Variants in DLG2 observed in about 807,000 individuals in gnomAD.
DLG2 encodes the protein disks large homolog 2.
A neutral mutation model predicts 132.5 loss-of-function variants in DLG2; 45 were observed. That is an observed-to-expected ratio of 0.34 (90% CI 0.27 to 0.44). DLG2 has a LOEUF of 0.44. DLG2 is among the 20% of genes least tolerant of loss of function. The probability of loss-of-function intolerance (pLI) is 1.00; values close to 1 mark genes in which losing one functional copy is unlikely to be tolerated. For synonymous variants in DLG2, 424 were observed against 419.6 expected, an observed-to-expected ratio of 1.01 and a Z score of -0.13; for missense variants, 1,045 against 1,196.9, an observed-to-expected ratio of 0.87 and a Z score of 1.87.
chr11:85,238,908 A>G (rs1352314928), intron 4 of DLG2, among the ~76,000 whole-genome samples: 1 of 151,660 alleles, frequency 6.6e-6, no homozygotes, highest in Non-Finnish European at 1.5e-5. Flanking sequence ...TCAGCTGCAA[A>G]CCTCAATATG....
chr11:85,064,650 C>A (rs1474767960), intron 6 of DLG2, among the ~76,000 whole-genome samples: 1 of 151,722 alleles, frequency 6.6e-6, no homozygotes, highest in African/African-American at 2.4e-5. Flanking sequence ...TGGTACCAAG[C>A]TGTTTGGTCA....
chr11:84,321,616 T>C (rs2098405252), intron 7 of DLG2, among the ~76,000 whole-genome samples: 1 of 152,144 alleles, frequency 6.6e-6, no homozygotes, highest in South Asian at 2.1e-4. Flanking sequence ...CCCCACTTCA[T>C]ACTTTCACAT....
chr11:84,903,348 T>TC (rs1184623358), intron 6 of DLG2, among the ~76,000 whole-genome samples: 1 of 152,186 alleles, frequency 6.6e-6, no homozygotes, highest in African/African-American at 2.4e-5. Context: ...AACAGATATC[T>TC]CCTACCTCCT....
chr11:83,918,653 C>T (rs1477055420), intron 15 of DLG2, among the ~76,000 whole-genome samples: 2 of 152,084 alleles, frequency 1.3e-5, no homozygotes, highest in Admixed American at 6.6e-5. Flanking sequence ...GGCAGGGAAC[C>T]TGGCCAGCAC....
At chr11:84,255,021 C>T (rs1207274721) in intron 7 of DLG2, among the ~76,000 whole-genome samples, 2 of 152,174 alleles carry the variant, frequency 1.3e-5, no homozygotes, top group Non-Finnish European at 2.9e-5. Context: ...CTACACCAGG[C>T]TCTCTGAAGA....
At chr11:85,073,457 T>C (rs7105168) in intron 6 of DLG2, among the ~76,000 whole-genome samples, 1,684 of 151,940 alleles carry the variant, frequency 0.011, 32 homozygotes, top group African/African-American at 0.039. Context: ...ATTGCGTAAG[T>C]AAATTCAGGC....
At chr11:84,821,534 A>G (rs1032569011) in intron 6 of DLG2, among the ~76,000 whole-genome samples, 3 of 151,534 alleles carry the variant, frequency 2.0e-5, no homozygotes, top group African/African-American at 7.3e-5. Flanking sequence ...TTAGAAGTGT[A>G]AAGACATGTC....
intron 14 of DLG2, among the ~76,000 whole-genome samples, chr11:83,946,219 C>A (rs1468353632): frequency 6.6e-6 from 1 of 152,070 alleles, no homozygotes; most frequent in African/African-American, 2.4e-5. Flanking sequence ...AACTCCTGAC[C>A]TCAGGTAATC....
chr11:84,131,429 C>G (rs961863963), intron 9 of DLG2, among the ~76,000 whole-genome samples: 1 of 151,998 alleles, frequency 6.6e-6, no homozygotes, highest in Non-Finnish European at 1.5e-5. Flanking sequence ...TATACACACA[C>G]ATACATAAAT....
At chr11:84,577,425 T>A (rs529471945) in intron 6 of DLG2, among the ~76,000 whole-genome samples, 1 of 152,258 alleles carries the variant, frequency 6.6e-6, no homozygotes, top group South Asian at 2.1e-4. Flanking sequence ...CCCAAAATGC[T>A]GATAGATATA....
intron 4 of DLG2, among the ~76,000 whole-genome samples, chr11:85,192,510 C>A (rs2080675786): frequency 6.6e-6 from 1 of 152,060 alleles, no homozygotes; most frequent in South Asian, 2.1e-4. Flanking sequence ...GATTTGAGAA[C>A]CCTAAGGTAG....
At chr11:84,316,403 C>G (rs1363435887) in intron 7 of DLG2, among the ~76,000 whole-genome samples, 3 of 152,034 alleles carry the variant, frequency 2.0e-5, no homozygotes, top group Non-Finnish European at 4.4e-5. Flanking sequence ...TCACTGTTTT[C>G]TATAGCTAAA....
chr11:85,101,973 C>T (rs2070919097), intron 6 of DLG2, among the ~76,000 whole-genome samples: 1 of 152,010 alleles, frequency 6.6e-6, no homozygotes, highest in South Asian at 2.1e-4. Flanking sequence ...GCAGTTCCAA[C>T]AGTACTGTGA....
intron 7 of DLG2, 80 bp from the exon 8 acceptor site, chr11:84,251,371 A>C: frequency 8.8e-7 from 1 of 1,131,360 alleles, no homozygotes; most frequent in Non-Finnish European, 1.2e-6. Flanking sequence ...TTATTTAACA[A>C]AGAGCTCAAC....
At chr11:85,269,900 AATACC>A (rs1328110189) in intron 4 of DLG2, among the ~76,000 whole-genome samples, 2 of 152,214 alleles carry the variant, frequency 1.3e-5, no homozygotes, top group African/African-American at 4.8e-5. Flanking sequence ...TAGTAATAAT[AATACC>A]CATCTTATAT....
intron 19 of DLG2, among the ~76,000 whole-genome samples, chr11:83,581,336 T>C (rs1354849700): frequency 6.6e-6 from 1 of 152,202 alleles, no homozygotes; most frequent in Non-Finnish European, 1.5e-5. Flanking sequence ...AAAATAATTA[T>C]TCTTCTCTGG....
At chr11:84,713,713 A>G (rs1190421200) in intron 6 of DLG2, among the ~76,000 whole-genome samples, 2 of 152,134 alleles carry the variant, frequency 1.3e-5, no homozygotes, top group Non-Finnish European at 2.9e-5. Flanking sequence ...CTATGATTAA[A>G]ATAAATGCAG....
chr11:85,581,316 G>A (rs2078502322), intron 3 of DLG2, among the ~76,000 whole-genome samples: 1 of 151,942 alleles, frequency 6.6e-6, no homozygotes, highest in African/African-American at 2.4e-5. Flanking sequence ...AAATCTCTTT[G>A]AGAACGCCTT....
chr11:83,572,357 A>G (rs969205862), intron 19 of DLG2, among the ~76,000 whole-genome samples: 2 of 152,150 alleles, frequency 1.3e-5, no homozygotes, highest in African/African-American at 4.8e-5. Flanking sequence ...TGAGTCAGTG[A>G]TAAGAGACAT....
Sources: gnomAD v4.1 joint callset for allele counts (sites outside exome capture counted in the v4.1 genomes callset) on GRCh38, gnomAD v4.1.1 for gene constraint, MANE v1.5 for transcripts, NCBI Gene and HGNC (gene_info 2026-07-23, HGNC 2026-07-21) for gene names.